The following ARHGAP23 variants were observed in gnomAD, a reference collection of about 807,000 sequenced individuals.
ARHGAP23 encodes the protein rho GTPase-activating protein 23.
In ARHGAP23, 34 loss-of-function variants were observed where a neutral mutation model predicts 136.3. That is an observed-to-expected ratio of 0.25 (90% CI 0.19 to 0.33). ARHGAP23 has a LOEUF of 0.33. Ranked by LOEUF, ARHGAP23 falls within the 10% of genes least tolerant of loss-of-function variation. The pLI, the probability that ARHGAP23 is intolerant of heterozygous loss-of-function variation, is 1.00. For synonymous variants in ARHGAP23, 832 were observed against 920.5 expected (o/e 0.90, Z 1.74); for missense variants, 1,808 against 2,139.0 (o/e 0.85, Z 3.05).
Position 38,510,327 on chromosome 17 carries a change from C to T in ARHGAP23, c.3831C>T (p.Asp1277=). The T allele has an allele frequency of 1.6e-6, 2 of 1,257,624 alleles. No individual in the cohort carries two copies. Among genetic ancestry groups the T allele is most frequent in the Non-Finnish European group, 2.0e-6 (2 of 1,001,702 alleles). 77.9% of individuals were successfully genotyped at this position (1,257,624 alleles called of 1,614,324 possible). A position where few individuals can be genotyped will look rare whatever the true frequency, so the allele number is the denominator to read the frequency against. Reference sequence around the variant, plus strand: ...CAGGGGCGGGGGATGAGGCGGACGACGAGCGTAGCGAGCTGAGCCACGTGG... The same window carrying T: ...CAGGGGCGGGGGATGAGGCGGACGATGAGCGTAGCGAGCTGAGCCACGTGG... ...RRAGAGDEAD[D]ERSELSHVET... Residue 1277 remains aspartate (D), a synonymous_variant, in exon 24 of 24, where the codon GAC becomes GAT. Coordinates refer to ENST00000622683, the MANE Select transcript of ARHGAP23 (RefSeq NM_001199417.2). The surrounding 1 kb of genome is among the most constrained non-coding windows in gnomAD (Gnocchi z 4.6).
intron 1 of ARHGAP23, among the ~76,000 whole-genome samples, chr17:38,422,557 C>T (rs377226770): frequency 4.9e-4 from 74 of 152,168 alleles, no homozygotes; most frequent in African/African-American, 1.7e-3. Context: ...TTCTGTCGGC[C>T]ACCTCCTGAC....
chr17:38,490,172 G>A lies in ARHGAP23; in HGVS notation c.3057G>A (p.Lys1019=), dbSNP rs1291619559. ...DARERMRTLR[K]LIRDLPGHYY... ...GGGAGCGAATGAGGACGCTGCGGAA[G>A]CTGGTAAGGAGAGAGAGGTGCTGTC... The change falls in exon 18 of 24, where the codon AAG becomes AAA. Residue 1019 remains lysine, a synonymous_variant. Coordinates refer to ENST00000622683, the MANE Select transcript of ARHGAP23 (RefSeq NM_001199417.2). 1 of 1,551,596 alleles carries A rather than the reference G, an allele frequency of 6.4e-7. No individual in the cohort carries two copies. The highest frequency in any genetic ancestry group is 2.0e-5 in the Admixed American group (1 of 50,998).
At chr17:38,453,798 C>T (rs1262336955) in intron 1 of ARHGAP23, 3 of 144,050 alleles carry the variant, frequency 2.1e-5, no homozygotes, top group Non-Finnish European at 4.6e-5. Context: ...CCCGCGGCTC[C>T]GGGGGGCGGG....
rs2040737300 is a variant in ARHGAP23 at position 38,510,541 on chromosome 17, T to C, written c.4045T>C (p.Ser1349Pro). 1.7e-6 allele frequency: 2 copies of C among 1,187,230 alleles called. No homozygotes were observed. Among genetic ancestry groups the C allele is most frequent in the South Asian group, 3.8e-5 (1 of 26,364 alleles). 73.5% of individuals were successfully genotyped at this position (1,187,230 alleles called of 1,614,324 possible). Reference sequence around the variant, plus strand: ...CCCGGAGCCGCCCGGCTCGGCGTCGTCCAGCAGCCAGGAGTCGCTGCGGCC... The same window carrying C: ...CCCGGAGCCGCCCGGCTCGGCGTCGCCCAGCAGCCAGGAGTCGCTGCGGCC... ...RAPEPPGSAS[S>P]SSQESLRPPA... The change falls in exon 24 of 24, where the codon TCC becomes CCC. Residue 1349 changes from serine (S) to proline (P), a missense_variant. Ser to Pro is a moderately conservative substitution (Grantham distance 74). This residue lies in a region of ARHGAP23 where 506 missense variants were observed against 455.8 expected (regional missense o/e 1.11). Transcript: ENST00000622683. This position sits in a 1 kb window ranked among gnomAD's most constrained non-coding sequence, Gnocchi z 4.6.
rs1263091661 is a variant in ARHGAP23 at position 38,471,845 on chromosome 17, T to C, written c.1975-18T>C. On this transcript the variant is annotated intron_variant, in intron 10 of 23. Coordinates refer to ENST00000622683, the MANE Select transcript of ARHGAP23 (RefSeq NM_001199417.2). ...TTGTGGGAGCCACCCTAAATTGTCC[T>C]CTGTTGTCTCCCTGCAGTCCTTGGA... is the stretch of plus-strand genomic sequence containing the variant. 1 of 1,524,096 alleles carries C rather than the reference T, an allele frequency of 6.6e-7. No homozygotes were observed. The highest frequency in any genetic ancestry group is 2.5e-5 in the East Asian group (1 of 40,754). 94.4% of individuals were successfully genotyped at this position (1,524,096 alleles called of 1,614,324 possible). A position where few individuals can be genotyped will look rare whatever the true frequency, so the allele number is the denominator to read the frequency against.
intron 15 of ARHGAP23, 24 bp from the exon 16 acceptor site, chr17:38,482,499 A>G (rs763930992): frequency 4.0e-5 from 61 of 1,524,228 alleles, no homozygotes; most frequent in African/African-American, 4.2e-5. Context: ...TGTCCCCCCT[A>G]ACACCCCTCC....
At chr17:38,509,838 G>A (rs1004428170) in intron 23 of ARHGAP23, 106 bp from the exon 24 acceptor site, 15 of 907,982 alleles carry the variant, frequency 1.7e-5, no homozygotes, top group Non-Finnish European at 2.2e-5. Flanking sequence ...CTTGGCTGGG[G>A]CTTGTGGCGA....
chr17:38,482,663 C>G lies in ARHGAP23; in HGVS notation c.2892C>G (p.Ile964Met). ...QEQLNRGPGD[I>M]NLQDERWQDL... is the part of the protein sequence containing the mutation. ...AGCTCAACCGCGGGCCTGGTGACAT[C>G]AACCTGCAGGATGAGGTGGGTGAAG... The change falls in exon 16 of 24, where the codon ATC becomes ATG. Residue 964 changes from isoleucine to methionine, a missense_variant. Coordinates refer to ENST00000622683, the MANE Select transcript of ARHGAP23 (RefSeq NM_001199417.2). The G allele has an allele frequency of 6.5e-7, 1 of 1,548,356 alleles. No homozygotes were observed. The highest frequency in any genetic ancestry group is 8.7e-7 in the Non-Finnish European group (1 of 1,146,070).
intron 5 of ARHGAP23, 49 bp from the exon 6 acceptor site, chr17:38,463,279 C>A (rs1232677680): frequency 6.4e-7 from 1 of 1,551,514 alleles, no homozygotes. Flanking sequence ...ATCCCTTCCT[C>A]CTGGACCCTG....
chr17:38,460,782 G>A (rs2039441144), intron 2 of ARHGAP23, 123 bp from the exon 3 acceptor site: 15 of 1,530,760 alleles, frequency 9.8e-6, no homozygotes, highest in Non-Finnish European at 1.3e-5. Flanking sequence ...CTCCCCTGCT[G>A]GGCTACTTGG....
intron 17 of ARHGAP23, among the ~76,000 whole-genome samples, 158 bp downstream of exon 17, chr17:38,486,298 G>A (rs868607741): frequency 8.6e-5 from 13 of 151,428 alleles, no homozygotes; most frequent in African/African-American, 2.7e-4. Context: ...CGCAATCACG[G>A]CTCATTGCAG....
intron 11 of ARHGAP23, among the ~76,000 whole-genome samples, chr17:38,476,274 G>A (rs879458945): frequency 2.0e-5 from 3 of 152,300 alleles, no homozygotes; most frequent in Non-Finnish European, 4.4e-5. Flanking sequence ...AGCAAGAGGC[G>A]TTGATGGCGT....
chr17:38,510,755 A>C lies in ARHGAP23; in HGVS notation c.4259A>C (p.Asn1420Thr). ...AGCCCGCTGACTGACCTCAACTTCAACGAGTGGAAGGAGCTGGGCGGAGGG... is the reference window on the plus strand; with the variant it reads ...AGCCCGCTGACTGACCTCAACTTCACCGAGTGGAAGGAGCTGGGCGGAGGG... ...VQSPLTDLNF[N>T]EWKELGGGGP... Residue 1420 changes from asparagine to threonine, a missense_variant, in exon 24 of 24, where the codon AAC (asparagine) becomes ACC (threonine). Physicochemically the swap from Asn to Thr is moderately conservative, Grantham distance 65. Coordinates refer to ENST00000622683, the MANE Select transcript of ARHGAP23 (RefSeq NM_001199417.2). This position sits in a 1 kb window ranked among gnomAD's most constrained non-coding sequence, Gnocchi z 4.6. The C allele has an allele frequency of 6.7e-7, 1 of 1,485,960 alleles. No individual in the cohort carries two copies. Among genetic ancestry groups the C allele is most frequent in the Non-Finnish European group, 8.9e-7 (1 of 1,120,994 alleles). 92.0% of individuals were successfully genotyped at this position (1,485,960 alleles called of 1,614,324 possible).
intron 17 of ARHGAP23, among the ~76,000 whole-genome samples, chr17:38,487,056 A>G (rs1234249720): frequency 2.0e-5 from 3 of 152,148 alleles, no homozygotes; most frequent in Non-Finnish European, 4.4e-5. Context: ...AAATACTCCT[A>G]CCATGGTTTA....
At chr17:38,456,327 T>C (rs567898401) in intron 1 of ARHGAP23, among the ~76,000 whole-genome samples, 15 of 152,290 alleles carry the variant, frequency 9.8e-5, no homozygotes, top group Admixed American at 3.3e-4. Context: ...GGAGGGTGGA[T>C]GGTCCATGAA....
In ARHGAP23 at chr17:38,491,536, A is replaced by C. The variant is rs199824387; in HGVS notation, c.3276+4A>C. The C allele has an allele frequency of 6.5e-7, 1 of 1,549,394 alleles. No individual in the cohort carries two copies. The highest frequency in any genetic ancestry group is 8.7e-7 in the Non-Finnish European group (1 of 1,146,810). ...CGTGGAGACACTGATCCAGCACGTA[A>C]GCCCCTGTTCCGGGGGGCGCCCGGC... On this transcript the variant is annotated splice_donor_region_variant and intron_variant, in intron 20 of 23. Coordinates refer to ENST00000622683, the MANE Select transcript of ARHGAP23 (RefSeq NM_001199417.2).
chr17:38,467,416 TG>T, intron 7 of ARHGAP23, 85 bp downstream of exon 7: 1 of 1,332,084 alleles, frequency 7.5e-7, no homozygotes, highest in South Asian at 1.6e-5. Context: ...CTGTCTGCCA[TG>T]GGCAGAATTC....
At chr17:38,495,032 C>CTATT (rs1567823770) in intron 20 of ARHGAP23, among the ~76,000 whole-genome samples, 1 of 152,126 alleles carries the variant, frequency 6.6e-6, no homozygotes, top group East Asian at 1.9e-4. Flanking sequence ...TAGCTGACAT[C>CTATT]TATTATACAT....
chr17:38,453,881 C>T (rs1160281771), intron 1 of ARHGAP23: 5 of 144,448 alleles, frequency 3.5e-5, no homozygotes, highest in Admixed American at 6.8e-5. Context: ...GCAGCGGCCC[C>T]GGGCCCCCGC....
Sources: allele counts gnomAD v4.1 joint callset (sites outside exome capture counted in the v4.1 genomes callset), GRCh38; gene constraint gnomAD v4.1.1; regional missense constraint gnomAD v4.1.1; non-coding constraint Gnocchi (gnomAD v3.1); transcripts MANE v1.5; gene names NCBI Gene and HGNC (gene_info 2026-07-23, HGNC 2026-07-21).